The following DCAF8 variants were observed in gnomAD, a reference collection of about 807,000 sequenced individuals.
DCAF8 encodes the protein DDB1 and CUL4 associated factor 8.
Under a neutral mutation model 68.0 loss-of-function variants are expected in DCAF8, and 20 were observed. The observed-to-expected ratio is 0.29, with a 90% CI of 0.21 to 0.43. The LOEUF (loss-of-function observed/expected upper bound fraction) is 0.43, where lower values mean the gene tolerates loss of function less well. Among genes scored for constraint, DCAF8 ranks in the 20% least tolerant of loss-of-function variants. The pLI, the probability that DCAF8 is intolerant of heterozygous loss-of-function variation, is 1.00. For synonymous variants in DCAF8, 230 were observed against 276.9 expected, an observed-to-expected ratio of 0.83 and a Z score of 1.68; for missense variants, 460 against 771.0, an observed-to-expected ratio of 0.60 and a Z score of 4.78.
Position 160,240,353 on chromosome 1 carries a change from GACTGCT to G in DCAF8, c.61_66del (p.Ser21_Ser22del), listed in dbSNP as rs1196716280. 1 of 1,610,444 alleles carries G rather than the reference GACTGCT, an allele frequency of 6.2e-7. No homozygotes were observed. On this transcript the variant is annotated inframe_deletion, in exon 4 of 14. Transcript: ENST00000368074. ...TCTTCAGCTCCAGACATCTCCTCTG[GACTGCT>G]AGACAGGCTTCCTGCATGTTAGTGA...
Position 160,218,315 on chromosome 1 carries a change from C to T in DCAF8, c.1677+9G>A, listed in dbSNP as rs753743569. ...CTCCCTTGGGAATTCATTTCCAACC[C>T]TAGCTTACCCGGTGATGGCGTCTCT... On this transcript the variant is annotated intron_variant, in intron 13 of 13. Coordinates refer to ENST00000368074, the MANE Select transcript of DCAF8 (RefSeq NM_015726.4). 1 of 1,610,024 alleles carries T rather than the reference C, an allele frequency of 6.2e-7. No homozygotes were observed. The highest frequency in any genetic ancestry group is 1.1e-5 in the South Asian group (1 of 90,976).
chr1:160,226,727 G>C (rs529251129), intron 7 of DCAF8, among the ~76,000 whole-genome samples: 2 of 152,068 alleles, frequency 1.3e-5, no homozygotes, highest in African/African-American at 2.4e-5. Flanking sequence ...CTACTGAAAA[G>C]AACAATCAAC....
chr1:160,251,190 C>T (rs1656580196), intron 2 of DCAF8, among the ~76,000 whole-genome samples: 1 of 152,150 alleles, frequency 6.6e-6, no homozygotes. Flanking sequence ...AGACAGAGAG[C>T]CACACAGTCC....
rs1219674777 is a variant in DCAF8, at chr1:160,227,313, T to C, written c.1071-1650A>G. The stretch of plus-strand genomic sequence containing the variant: ...GAAAAAGACTTGAAAAGTACTTTGT[T>C]TGCTTTGGCAGTTAGGTTACTGATG... On this transcript the variant is annotated intron_variant, in intron 7 of 13. Coordinates refer to ENST00000368074, the MANE Select transcript of DCAF8 (RefSeq NM_015726.4). Among the ~76,000 whole-genome samples, 5 of 152,326 alleles carry C rather than the reference T, an allele frequency of 3.3e-5. No homozygotes were observed. In the South Asian group the frequency reaches 1.0e-3, roughly 32 times the overall value.
intron 2 of DCAF8, among the ~76,000 whole-genome samples, chr1:160,244,928 T>G (rs1656261629): frequency 6.6e-6 from 1 of 152,112 alleles, no homozygotes; most frequent in African/African-American, 2.4e-5. Flanking sequence ...TCAAACTTAT[T>G]AAAGGCACAG....
At position 160,240,120 on chromosome 1, in the gene DCAF8, C is replaced by T; in HGVS notation, c.300G>A (p.Glu100=). The T allele has an allele frequency of 6.2e-7, 1 of 1,613,922 alleles. No homozygotes were observed. The highest frequency in any genetic ancestry group is 8.5e-7 in the Non-Finnish European group (1 of 1,179,940). Residue 100 remains glutamate, a synonymous_variant, in exon 4 of 14, where the codon GAG becomes GAA. Coordinates refer to ENST00000368074, the MANE Select transcript of DCAF8 (RefSeq NM_015726.4). ...CCTCTTCTTCCTCCTCTTCCTCTTC[C>T]TCTGAGCGGTCATGGACTCGATTTT... is the stretch of plus-strand genomic sequence containing the variant. ...NDENRVHDRS[E]EEEEEEEEEE...
intron 8 of DCAF8, 142 bp from the exon 9 acceptor site, chr1:160,225,261 T>G (rs1655430107): frequency 1.2e-6 from 1 of 815,860 alleles, no homozygotes; most frequent in Non-Finnish European, 1.9e-6. Context: ...GTACAACTGA[T>G]GAAACATGAC....
In DCAF8 at chr1:160,240,336, T is replaced by C; in HGVS notation, c.84A>G (p.Gly28=). ...AGGATGTCTCCCTCCCCTCTTCAGC[T>C]CCAGACATCTCCTCTGGACTGCTAG... ...SLSSSPEEMS[G]AEEGRETSSG... Residue 28 remains glycine, a synonymous_variant, in exon 4 of 14, where the codon GGA becomes GGG. Coordinates refer to ENST00000368074, the MANE Select transcript of DCAF8 (RefSeq NM_015726.4). 1 of 1,613,296 alleles carries C rather than the reference T, an allele frequency of 6.2e-7. No homozygotes were observed. The highest frequency in any genetic ancestry group is 8.5e-7 in the Non-Finnish European group (1 of 1,179,904).
chr1:160,225,755 G>A, intron 7 of DCAF8, 92 bp from the exon 8 acceptor site: 1 of 965,392 alleles, frequency 1.0e-6, no homozygotes. Context: ...ACTGCCAGCT[G>A]GATGCAGATA....
intron 2 of DCAF8, among the ~76,000 whole-genome samples, chr1:160,258,521 C>T (rs1393253638): frequency 6.6e-6 from 1 of 151,332 alleles, no homozygotes; most frequent in African/African-American, 2.4e-5. Flanking sequence ...GGTGCTGCGG[C>T]TATGCCTGTA....
At position 160,217,483 on chromosome 1, in the gene DCAF8, C is replaced by T; in HGVS notation, c.*109G>A. 1.3e-6 allele frequency: 1 copy of T among 751,508 alleles called. No homozygotes were observed. Among genetic ancestry groups the T allele is most frequent in the Non-Finnish European group, 2.2e-6 (1 of 463,226 alleles). The allele number at this position is 751,508 out of a possible 1,614,324, so 46.6% of individuals were successfully genotyped here. On this transcript the variant is annotated 3_prime_UTR_variant, in exon 14 of 14. Transcript: ENST00000368074. ...TGGGATGTCTTTCTTTTATCTAAAGCAAAAAGTCCAAAGTGCGTTTCTGCT... is the reference window on the plus strand; with the variant it reads ...TGGGATGTCTTTCTTTTATCTAAAGTAAAAAGTCCAAAGTGCGTTTCTGCT...
chr1:160,251,189 G>A (rs190109918), intron 2 of DCAF8, among the ~76,000 whole-genome samples: 7 of 152,228 alleles, frequency 4.6e-5, no homozygotes, highest in Admixed American at 3.9e-4. Context: ...AAGACAGAGA[G>A]CCACACAGTC....
chr1:160,245,936 C>T (rs1479366032), intron 2 of DCAF8, among the ~76,000 whole-genome samples: 2 of 152,062 alleles, frequency 1.3e-5, no homozygotes, highest in Admixed American at 6.6e-5. Context: ...GTCAGGAGTT[C>T]GAGACCAGCC....
intron 6 of DCAF8, among the ~76,000 whole-genome samples, chr1:160,232,560 G>C (rs891420360): frequency 6.6e-6 from 1 of 151,774 alleles, no homozygotes; most frequent in African/African-American, 2.4e-5. Flanking sequence ...AGAACTGCTT[G>C]AATCCAGAAG....
At chr1:160,219,085 G>A in intron 11 of DCAF8, 117 bp from the exon 12 acceptor site, 4 of 1,437,580 alleles carry the variant, frequency 2.8e-6, no homozygotes, top group South Asian at 1.4e-5. Flanking sequence ...AGCTGCTGGG[G>A]AAGGGAGGCC....
intron 2 of DCAF8, among the ~76,000 whole-genome samples, chr1:160,252,449 A>C (rs574449541): frequency 1.3e-5 from 2 of 152,342 alleles, no homozygotes; most frequent in Middle Eastern, 6.8e-3. Context: ...ACAGGACCAG[A>C]GCAAGAAAAG....
At chr1:160,238,473 A>C in intron 5 of DCAF8, 134 bp downstream of exon 5, 1 of 1,035,840 alleles carries the variant, frequency 9.7e-7, no homozygotes, top group Non-Finnish European at 1.3e-6. Context: ...TCTTAACCAC[A>C]AATCTTAGGA....
chr1:160,256,895 G>A (rs899106895), intron 2 of DCAF8, among the ~76,000 whole-genome samples: 7 of 151,826 alleles, frequency 4.6e-5, no homozygotes, highest in African/African-American at 1.7e-4. Flanking sequence ...TCCTACAGAG[G>A]TAGAGATAAA....
Position 160,262,443 on chromosome 1 carries a change from T to TCTTACACTGGCCAGCGGCCGCCAC in DCAF8, c.-119_-101+5dup. 2.5e-6 allele frequency: 1 copy of TCTTACACTGGCCAGCGGCCGCCAC among 401,484 alleles called. No individual in the cohort carries two copies. Among genetic ancestry groups the TCTTACACTGGCCAGCGGCCGCCAC allele is most frequent in the Non-Finnish European group, 4.4e-6 (1 of 227,882 alleles). 24.9% of individuals were successfully genotyped at this position (401,484 alleles called of 1,614,324 possible). On this transcript the variant is annotated splice_donor_region_variant and intron_variant, in intron 1 of 13. Transcript: ENST00000368074. Reference sequence around the variant, plus strand: ...ACTGCCACCACCAACGCCGCCGCCATCTTACACTGGCCAGCGGCCGCCACC... The same window carrying TCTTACACTGGCCAGCGGCCGCCAC: ...ACTGCCACCACCAACGCCGCCGCCATCTTACACTGGCCAGCGGCCGCCACCTTACACTGGCCAGCGGCCGCCACC...
Sources: gnomAD v4.1 joint callset for allele counts (sites outside exome capture counted in the v4.1 genomes callset) on GRCh38, gnomAD v4.1.1 for gene constraint, MANE v1.5 for transcripts, NCBI Gene and HGNC (gene_info 2026-07-23, HGNC 2026-07-21) for gene names.